NCOA3: variants seen among roughly 807,000 people sequenced by gnomAD.
NCOA3 encodes the protein CBP-interacting protein.
A neutral mutation model predicts 158.8 loss-of-function variants in NCOA3; 51 were observed. The observed-to-expected ratio is 0.32, with a 90% confidence interval of 0.26 to 0.41. The LOEUF (loss-of-function observed/expected upper bound fraction) is 0.41. Ranked by LOEUF, NCOA3 falls within the 10% of genes least tolerant of loss-of-function variation. The pLI, the probability that NCOA3 is intolerant of heterozygous loss-of-function variation, is 1.00. For missense variants in NCOA3, 1,510 were observed against 1,746.6 expected (o/e 0.86, Z 2.41); for synonymous variants, 537 against 592.4 (o/e 0.91, Z 1.36).
At chr20:47,537,172 T>A (rs1396386867) in intron 1 of NCOA3, among the ~76,000 whole-genome samples, 1 of 152,202 alleles carries the variant, frequency 6.6e-6, no homozygotes, top group Non-Finnish European at 1.5e-5. Flanking sequence ...GAGGATATGC[T>A]ATCTATCCAT....
intron 1 of NCOA3, among the ~76,000 whole-genome samples, 168 bp from the exon 2 acceptor site, chr20:47,583,015 G>A (rs1194783265): frequency 1.3e-5 from 2 of 152,238 alleles, no homozygotes; most frequent in Admixed American, 1.3e-4. Context: ...GGCCAGCCTT[G>A]AACTCCTGAC....
intron 20 of NCOA3, 49 bp downstream of exon 20, chr20:47,651,325 G>T (rs762833136): frequency 1.3e-6 from 2 of 1,548,690 alleles, no homozygotes; most frequent in East Asian, 2.3e-5. Flanking sequence ...CATTACTAAG[G>T]ACATAAGCTT....
At chr20:47,648,751 A>T (rs1250429479) in intron 18 of NCOA3, among the ~76,000 whole-genome samples, 1 of 152,106 alleles carries the variant, frequency 6.6e-6, no homozygotes, top group Non-Finnish European at 1.5e-5. Context: ...AGGTGTGAAG[A>T]TATTCTTTAA....
intron 3 of NCOA3, 52 bp from the exon 4 acceptor site, chr20:47,623,859 G>A: frequency 1.3e-6 from 2 of 1,519,034 alleles, no homozygotes; most frequent in Middle Eastern, 2.2e-4. Context: ...CAGCTCTTTT[G>A]TGATATATAT....
chr20:47,652,144 A>G (rs2086805230), intron 20 of NCOA3, among the ~76,000 whole-genome samples: 1 of 152,078 alleles, frequency 6.6e-6, no homozygotes. Flanking sequence ...TCCCTTTTCT[A>G]CAGGAAACCC....
rs191002232 is a variant in NCOA3 at position 47,521,796 on chromosome 20, A to G, written c.-99+19777A>G. ...ATATCCAACACTCAGGCACCATACCATATAGATTATGGAGGTCTTGAAATC... is the reference window on the plus strand; with the variant it reads ...ATATCCAACACTCAGGCACCATACCGTATAGATTATGGAGGTCTTGAAATC... On this transcript the variant is annotated intron_variant, in intron 1 of 22. Transcript: ENST00000371998. Among the ~76,000 whole-genome samples, 267 of 152,354 alleles carry G rather than the reference A, an allele frequency of 1.8e-3. 1 individual carries two copies. Among genetic ancestry groups the G allele is most frequent in the Middle Eastern group, 3.4e-3 (1 of 294 alleles).
intron 1 of NCOA3, among the ~76,000 whole-genome samples, chr20:47,525,893 AC>A (rs1292153535): frequency 1.1e-5 from 1 of 92,210 alleles, no homozygotes; most frequent in African/African-American, 4.3e-5. Context: ...CGGGGGGCTG[AC>A]CCCCCCACCT....
intron 1 of NCOA3, among the ~76,000 whole-genome samples, chr20:47,547,724 G>A (rs6018540): frequency 0.93 from 140,169 of 150,892 alleles, 65,238 homozygotes; most frequent in East Asian, 1. Context: ...GGCCCGTTTT[G>A]TTATTTTTTG....
At chr20:47,617,770 CTTTAG>C (rs760078205) in intron 2 of NCOA3, among the ~76,000 whole-genome samples, 26 of 152,072 alleles carry the variant, frequency 1.7e-4, no homozygotes, top group Non-Finnish European at 3.7e-4. Flanking sequence ...TGAACATTTT[CTTTAG>C]TTTAATGAAA....
intron 1 of NCOA3, among the ~76,000 whole-genome samples, chr20:47,552,779 C>CCTATATATAT (rs1374476169): frequency 6.6e-6 from 1 of 152,126 alleles, no homozygotes; most frequent in African/African-American, 2.4e-5. Flanking sequence ...GCCTATATTT[C>CCTATATATAT]ATCTGGGTCT....
intron 1 of NCOA3, among the ~76,000 whole-genome samples, chr20:47,551,761 A>G (rs1040170273): frequency 2.0e-5 from 3 of 152,242 alleles, no homozygotes; most frequent in Non-Finnish European, 4.4e-5. Flanking sequence ...TTGCCCACGT[A>G]GGAAACAGAA....
chr20:47,514,588 T>C (rs1366012951), intron 1 of NCOA3, among the ~76,000 whole-genome samples: 1 of 152,094 alleles, frequency 6.6e-6, no homozygotes, highest in Non-Finnish European at 1.5e-5. Flanking sequence ...AGATTGGGTT[T>C]CACCATGTTG....
intron 1 of NCOA3, among the ~76,000 whole-genome samples, chr20:47,560,083 G>A (rs1354953578): frequency 6.6e-6 from 1 of 152,106 alleles, no homozygotes; most frequent in Admixed American, 6.6e-5. Context: ...ACCACACCTG[G>A]CCTTAATTTT....
intron 1 of NCOA3, among the ~76,000 whole-genome samples, chr20:47,525,321 C>T (rs1196680187): frequency 1.3e-5 from 2 of 150,874 alleles, no homozygotes; most frequent in East Asian, 3.9e-4. Flanking sequence ...GAAAAGTCTC[C>T]CATGTCTACC....
At chr20:47,531,453 C>T (rs2146107073) in intron 1 of NCOA3, among the ~76,000 whole-genome samples, 2 of 152,296 alleles carry the variant, frequency 1.3e-5, no homozygotes, top group Admixed American at 1.3e-4. Flanking sequence ...AGTGATGAAA[C>T]AGATGTATTA....
Position 47,625,440 on chromosome 20 carries a change from G to A in NCOA3, c.316G>A (p.Gly106Arg), listed in dbSNP as rs143752906. Reference sequence around the variant, plus strand: ...AGCCGATGTATCTTCTACAGGGCAGGGAGTTATTGATAAAGACTCCTTAGG... The same window carrying A: ...AGCCGATGTATCTTCTACAGGGCAGAGAGTTATTGATAAAGACTCCTTAGG... ...QKADVSSTGQ[G>R]VIDKDSLGPL... Residue 106 changes from glycine to arginine, a missense_variant, in exon 5 of 23, where the codon GGA becomes AGA. Around this residue, in one of 4 missense-constraint regions of NCOA3, gnomAD observed 309 missense variants for 427.1 expected, o/e 0.72. Transcript: ENST00000371998. The A allele has an allele frequency of 2.1e-5, 34 of 1,613,574 alleles. No homozygotes were observed. The highest frequency in any genetic ancestry group is 2.7e-5 in the Non-Finnish European group (32 of 1,179,748).
At chr20:47,520,458 G>T (rs1220122539) in intron 1 of NCOA3, among the ~76,000 whole-genome samples, 2 of 152,128 alleles carry the variant, frequency 1.3e-5, no homozygotes, top group Non-Finnish European at 2.9e-5. Flanking sequence ...TTCTTCCCCT[G>T]AGAAGAAAGG....
chr20:47,548,583 AT>A (rs1490690435), intron 1 of NCOA3, among the ~76,000 whole-genome samples: 4 of 152,128 alleles, frequency 2.6e-5, no homozygotes, highest in Non-Finnish European at 4.4e-5. Context: ...TTAAAAAAAA[AT>A]CTTTTTTACT....
At chr20:47,538,823 C>T (rs544680844) in intron 1 of NCOA3, among the ~76,000 whole-genome samples, 2 of 152,308 alleles carry the variant, frequency 1.3e-5, no homozygotes, top group East Asian at 1.9e-4. Flanking sequence ...GGATTTCAGG[C>T]GTAAGCCACT....
Sources: allele counts gnomAD v4.1 joint callset (sites outside exome capture counted in the v4.1 genomes callset), GRCh38; gene constraint gnomAD v4.1.1; regional missense constraint gnomAD v4.1.1; transcripts MANE v1.5; gene names NCBI Gene and HGNC (gene_info 2026-07-23, HGNC 2026-07-21).